Variants in DAB1 observed in about 807,000 individuals in gnomAD.
The protein encoded by DAB1 is disabled homolog 1.
A neutral mutation model predicts 64.6 loss-of-function variants in DAB1; 15 were observed. The ratio of observed to expected loss-of-function variants is 0.23; its 90% CI spans 0.16 to 0.36. The LOEUF (loss-of-function observed/expected upper bound fraction) is 0.36, where lower values mean the gene tolerates loss of function less well. Among genes scored for constraint, DAB1 ranks in the 10% least tolerant of loss-of-function variants. DAB1 has a pLI of 1.00. For synonymous variants in DAB1, 235 were observed against 251.9 expected (o/e 0.93, Z 0.64); for missense variants, 596 against 706.7 (o/e 0.84, Z 1.78).
intron 2 of DAB1, among the ~76,000 whole-genome samples, chr1:58,516,137 C>T (rs1265391498): frequency 6.6e-6 from 1 of 152,106 alleles, no homozygotes; most frequent in Admixed American, 6.5e-5. Context: ...TCCCCTTTTC[C>T]CTCACATTAA....
At chr1:57,202,148 C>T (rs1162878726) in intron 2 of DAB1, among the ~76,000 whole-genome samples, 5 of 152,134 alleles carry the variant, frequency 3.3e-5, no homozygotes, top group Non-Finnish European at 5.9e-5. Flanking sequence ...AGCCCTCTAC[C>T]TCATCCTTGT....
chr1:58,056,153 G>T lies in DAB1; in HGVS notation n.387+94358C>A. 1.4e-6 allele frequency: 2 copies of T among 1,436,106 alleles called. 1 individual carries two copies. Among genetic ancestry groups the T allele is most frequent in the East Asian group, 4.5e-5 (2 of 44,076 alleles). 89.0% of individuals were successfully genotyped at this position (1,436,106 alleles called of 1,614,324 possible). On this transcript the variant is annotated intron_variant and non_coding_transcript_variant, in intron 5 of 20. Coordinates refer to the DAB1 transcript ENST00000485760. The stretch of plus-strand genomic sequence containing the variant: ...GCTCCTTACATGGGCTTTGGTGGGG[G>T]ACGTGGGGCAGCACCCGCAGGTCTA...
chr1:58,077,043 A>G (rs1470211667), intron 5 of DAB1, among the ~76,000 whole-genome samples: 1 of 152,166 alleles, frequency 6.6e-6, no homozygotes, highest in Non-Finnish European at 1.5e-5. Flanking sequence ...TTCAGGAGCA[A>G]TGCTTGTTAT....
chr1:57,295,170 A>T (rs77179715), intron 1 of DAB1, among the ~76,000 whole-genome samples: 1 of 152,146 alleles, frequency 6.6e-6, no homozygotes, highest in Non-Finnish European at 1.5e-5. Flanking sequence ...GTTGCACAAC[A>T]TCATGACTAT....
chr1:57,881,954 C>T (rs1430078197), intron 1 of DAB1, among the ~76,000 whole-genome samples: 1 of 152,110 alleles, frequency 6.6e-6, no homozygotes, highest in African/African-American at 2.4e-5. Context: ...TTTTACAGCT[C>T]AATGTTTGAC....
At chr1:58,515,253 T>C (rs1646141673) in intron 2 of DAB1, among the ~76,000 whole-genome samples, 1 of 152,208 alleles carries the variant, frequency 6.6e-6, no homozygotes, top group Admixed American at 6.5e-5. Flanking sequence ...AGCTAAGCCA[T>C]TCTCAGCATT....
At chr1:57,021,054 G>C (rs1336071890) in intron 11 of DAB1, among the ~76,000 whole-genome samples, 2 of 152,182 alleles carry the variant, frequency 1.3e-5, no homozygotes, top group African/African-American at 4.8e-5. Flanking sequence ...TTTATGGCCA[G>C]TTAAGGGAGA....
intron 1 of DAB1, among the ~76,000 whole-genome samples, chr1:57,343,585 G>T (rs1173862312): frequency 6.6e-6 from 1 of 152,206 alleles, no homozygotes; most frequent in Non-Finnish European, 1.5e-5. Flanking sequence ...CAGGTCCCGA[G>T]CCCTGCCCTG....
intron 9 of DAB1, among the ~76,000 whole-genome samples, chr1:57,045,128 T>C (rs945629220): frequency 2.0e-5 from 3 of 152,150 alleles, no homozygotes; most frequent in African/African-American, 7.2e-5. Context: ...AATTATGTTA[T>C]AGTGAGGAGA....
At chr1:58,434,173 T>A (rs529562040) in intron 3 of DAB1, among the ~76,000 whole-genome samples, 21 of 152,274 alleles carry the variant, frequency 1.4e-4, no homozygotes, top group African/African-American at 4.8e-4. Context: ...CTTGGATTTC[T>A]AAAGGATCAC....
intron 1 of DAB1, among the ~76,000 whole-genome samples, chr1:57,337,882 C>A (rs1447735639): frequency 1.7e-5 from 1 of 58,648 alleles, no homozygotes; most frequent in Non-Finnish European, 4.5e-5. Context: ...CCTCCCCTCC[C>A]TTCCCTTCCC....
chr1:57,116,461 CAAAAAA>C (rs61590002), intron 4 of DAB1, among the ~76,000 whole-genome samples: 3 of 71,972 alleles, frequency 4.2e-5, no homozygotes, highest in African/African-American at 1.1e-4. Flanking sequence ...GACTCTGTCT[CAAAAAA>C]AAAAAAAAAA....
intron 7 of DAB1, among the ~76,000 whole-genome samples, chr1:57,517,655 T>C (rs1180680608): frequency 2.0e-5 from 3 of 152,212 alleles, no homozygotes; most frequent in Non-Finnish European, 2.9e-5. Flanking sequence ...GAACCCTAAT[T>C]TGACATGCAA....
At chr1:58,132,841 G>A (rs183417224) in intron 5 of DAB1, among the ~76,000 whole-genome samples, 109 of 152,230 alleles carry the variant, frequency 7.2e-4, no homozygotes, top group Non-Finnish European at 7.2e-4. Flanking sequence ...TCGCACCCTG[G>A]ATAACAGCAC....
intron 4 of DAB1, among the ~76,000 whole-genome samples, chr1:58,178,224 C>T (rs1656593029): frequency 6.6e-6 from 1 of 152,166 alleles, no homozygotes; most frequent in Admixed American, 6.5e-5. Context: ...CCTGTATCTG[C>T]TCCTCCCCTC....
At chr1:57,438,048 G>A (rs1685762499) in intron 7 of DAB1, among the ~76,000 whole-genome samples, 1 of 152,150 alleles carries the variant, frequency 6.6e-6, no homozygotes, top group African/African-American at 2.4e-5. Context: ...AGCCCTTACA[G>A]ATTGCTCTGT....
intron 2 of DAB1, among the ~76,000 whole-genome samples, chr1:57,249,317 T>C (rs1669141261): frequency 6.6e-6 from 1 of 152,198 alleles, no homozygotes; most frequent in Non-Finnish European, 1.5e-5. Context: ...TATCAGTGAA[T>C]AAAACCCCCA....
chr1:57,554,682 T>C (rs1644965967), intron 7 of DAB1, among the ~76,000 whole-genome samples: 1 of 152,230 alleles, frequency 6.6e-6, no homozygotes, highest in African/African-American at 2.4e-5. Context: ...ACACATATAA[T>C]AATGGAGAAG....
At chr1:57,772,279 C>A (rs1334902408) in intron 6 of DAB1, among the ~76,000 whole-genome samples, 1 of 152,126 alleles carries the variant, frequency 6.6e-6, no homozygotes, top group Non-Finnish European at 1.5e-5. Flanking sequence ...CAATTTTGGA[C>A]TTCCCAGCCT....
Sources: allele counts gnomAD v4.1 joint callset (sites outside exome capture counted in the v4.1 genomes callset), GRCh38; gene constraint gnomAD v4.1.1; transcripts MANE v1.5; gene names NCBI Gene and HGNC (gene_info 2026-07-23, HGNC 2026-07-21).